PHF21B: variants seen among roughly 807,000 people sequenced by gnomAD.
The protein encoded by PHF21B is PHD finger protein 4.
PHF21B carries 22 observed loss-of-function variants against 62.2 expected under a neutral mutation model. That is an observed-to-expected ratio of 0.35 (90% CI 0.25 to 0.51). The LOEUF (loss-of-function observed/expected upper bound fraction) is 0.51, where lower values mean the gene tolerates loss of function less well. Ranked by LOEUF, PHF21B falls within the 20% of genes least tolerant of loss-of-function variation. PHF21B has a pLI of 0.97. For missense variants in PHF21B, 701 were observed against 707.9 expected (o/e 0.99, Z 0.11); for synonymous variants, 341 against 314.7 (o/e 1.08, Z -0.88).
intron 2 of PHF21B, among the ~76,000 whole-genome samples, chr22:44,958,269 ACTCT>A (rs2072342601): frequency 6.6e-6 from 1 of 151,570 alleles, no homozygotes; most frequent in Non-Finnish European, 1.5e-5. Context: ...TGCCTCCCTG[ACTCT>A]CTCCCTACAC....
At chr22:44,914,866 T>C (rs1056806093) in intron 4 of PHF21B, among the ~76,000 whole-genome samples, 1 of 152,194 alleles carries the variant, frequency 6.6e-6, no homozygotes, top group Non-Finnish European at 1.5e-5. Context: ...TGGGCCAGGA[T>C]CCGCTCCATC....
chr22:44,917,703 G>A (rs1210278221), intron 3 of PHF21B, among the ~76,000 whole-genome samples: 1 of 152,224 alleles, frequency 6.6e-6, no homozygotes, highest in African/African-American at 2.4e-5. Context: ...TCTGGCATCG[G>A]TGAAGGGCAC....
rs775065646 is a variant in PHF21B, at chr22:44,882,166, A to C, written c.*920T>G. On this transcript the variant is annotated 3_prime_UTR_variant, in exon 13 of 13. Transcript: ENST00000313237. Reference sequence around the variant, plus strand: ...GCAAGAAGGGAGGAGTGGAATACTTATCGGCTCTTCCAAAGGAGACAAGAA... The same window carrying C: ...GCAAGAAGGGAGGAGTGGAATACTTCTCGGCTCTTCCAAAGGAGACAAGAA... 6.6e-6 allele frequency: 1 copy of C among 152,668 alleles called. No individual in the cohort carries two copies. Among genetic ancestry groups the C allele is most frequent in the African/African-American group, 2.4e-5 (1 of 41,446 alleles). 9.5% of individuals were successfully genotyped at this position (152,668 alleles called of 1,614,324 possible).
intron 2 of PHF21B, among the ~76,000 whole-genome samples, chr22:44,957,458 C>T (rs1601643394): frequency 6.6e-6 from 1 of 152,326 alleles, no homozygotes; most frequent in Admixed American, 6.5e-5. Context: ...TGCCACTGTC[C>T]GTCCTCATGC....
intron 2 of PHF21B, among the ~76,000 whole-genome samples, chr22:44,949,915 T>C (rs1212852070): frequency 6.6e-6 from 1 of 152,230 alleles, no homozygotes; most frequent in African/African-American, 2.4e-5. Context: ...TGACTGATCA[T>C]TTTAATCACA....
At position 45,009,155 on chromosome 22, in the gene PHF21B, G is replaced by T; in HGVS notation, c.54+341C>A. The T allele has an allele frequency of 1.9e-6, 1 of 538,476 alleles. No homozygotes were observed. The highest frequency in any genetic ancestry group is 2.7e-6 in the Non-Finnish European group (1 of 368,620). The allele number at this position is 538,476 out of a possible 1,614,324, so 33.4% of individuals were successfully genotyped here. On this transcript the variant is annotated intron_variant, in intron 1 of 12. Coordinates refer to ENST00000313237, the MANE Select transcript of PHF21B (RefSeq NM_138415.5). The surrounding 1 kb of genome is among the most constrained non-coding windows in gnomAD (Gnocchi z 5.9). ...GCGGGGGCCCGAGGGGAGGCCGGAA[G>T]GGGGCCTATTCGCACTCCCCTCCCC...
intron 2 of PHF21B, among the ~76,000 whole-genome samples, chr22:44,933,909 G>A (rs1380285515): frequency 2.6e-5 from 4 of 152,210 alleles, no homozygotes; most frequent in South Asian, 2.1e-4. Flanking sequence ...GTCCCCAGGA[G>A]ACAGGCCATG....
chr22:44,940,999 A>G (rs1291057161), intron 2 of PHF21B, among the ~76,000 whole-genome samples: 1 of 152,214 alleles, frequency 6.6e-6, no homozygotes. Context: ...TTAAAGGCTC[A>G]ACAAATGTTT....
intron 2 of PHF21B, among the ~76,000 whole-genome samples, chr22:44,941,786 G>A (rs1404510590): frequency 5.3e-5 from 8 of 152,182 alleles, no homozygotes; most frequent in Non-Finnish European, 7.3e-5. Context: ...ACCAGCCAAG[G>A]TGAGGACGGC....
At chr22:44,980,284 G>A (rs966090244) in intron 2 of PHF21B, among the ~76,000 whole-genome samples, 1 of 151,914 alleles carries the variant, frequency 6.6e-6, no homozygotes, top group Non-Finnish European at 1.5e-5. Flanking sequence ...TGGAGGACAG[G>A]TTCAGGGTCT....
intron 11 of PHF21B, 123 bp from the exon 12 acceptor site, chr22:44,885,652 G>T: frequency 9.1e-7 from 1 of 1,094,434 alleles, no homozygotes; most frequent in Non-Finnish European, 1.3e-6. Flanking sequence ...AGAAGCCAGT[G>T]GCTGTGGCCA....
Position 44,906,991 on chromosome 22 carries a change from A to T in PHF21B, c.831+6831T>A, listed in dbSNP as rs1231106232. On this transcript the variant is annotated intron_variant, in intron 5 of 12. Coordinates refer to ENST00000313237, the MANE Select transcript of PHF21B (RefSeq NM_138415.5). ...CCTGCAGTGGACACTGCCACCTCAC[A>T]TCCCTGAGCTTCCACTGCCCATCAC... is the stretch of plus-strand genomic sequence containing the variant. 3.3e-5 allele frequency among the ~76,000 whole-genome samples: 5 copies of T among 152,334 alleles called. No individual in the cohort carries two copies. In the East Asian group the frequency reaches 7.7e-4, roughly 24 times the overall value.
chr22:44,944,374 G>A (rs1210988983), intron 2 of PHF21B, among the ~76,000 whole-genome samples: 2 of 152,180 alleles, frequency 1.3e-5, no homozygotes, highest in African/African-American at 4.8e-5. Flanking sequence ...GGGGCACTAT[G>A]GCATGCTCAC....
chr22:44,956,956 G>A (rs2092663070), intron 2 of PHF21B, among the ~76,000 whole-genome samples: 1 of 152,218 alleles, frequency 6.6e-6, no homozygotes. Context: ...ACCAACCACA[G>A]GGAAAGAGGA....
chr22:44,920,057 G>A (rs1270842717), intron 3 of PHF21B, among the ~76,000 whole-genome samples: 2 of 152,232 alleles, frequency 1.3e-5, no homozygotes, highest in African/African-American at 4.8e-5. Flanking sequence ...ACACACGACG[G>A]AGTCACCCAG....
chr22:44,983,592 T>C (rs1226957334), intron 2 of PHF21B, among the ~76,000 whole-genome samples: 1 of 152,166 alleles, frequency 6.6e-6, no homozygotes, highest in African/African-American at 2.4e-5. Flanking sequence ...GCTTAGCACA[T>C]CATCTTCTGT....
chr22:44,954,059 C>A (rs1191130052), intron 2 of PHF21B, among the ~76,000 whole-genome samples: 1 of 152,224 alleles, frequency 6.6e-6, no homozygotes, highest in Non-Finnish European at 1.5e-5. Flanking sequence ...TGTGGCCCAC[C>A]GTGATTCCTC....
chr22:44,919,081 C>T (rs1263379766), intron 3 of PHF21B, among the ~76,000 whole-genome samples: 2 of 152,184 alleles, frequency 1.3e-5, no homozygotes, highest in African/African-American at 2.4e-5. Context: ...CTAACTCTAC[C>T]TCAGCCTGCA....
At chr22:44,962,891 A>G (rs908767180) in intron 2 of PHF21B, among the ~76,000 whole-genome samples, 4 of 152,210 alleles carry the variant, frequency 2.6e-5, no homozygotes, top group African/African-American at 9.7e-5. Context: ...TCATAGCACC[A>G]GGAATAGAGC....
Sources: allele counts gnomAD v4.1 joint callset (sites outside exome capture counted in the v4.1 genomes callset), GRCh38; gene constraint gnomAD v4.1.1; non-coding constraint Gnocchi (gnomAD v3.1); transcripts MANE v1.5; gene names NCBI Gene and HGNC (gene_info 2026-07-23, HGNC 2026-07-21).